TRAPPC9: variants seen among roughly 807,000 people sequenced by gnomAD.
The protein encoded by TRAPPC9 is IKK2 binding protein.
A neutral mutation model predicts 124.0 loss-of-function variants in TRAPPC9; 83 were observed. The ratio of observed to expected loss-of-function variants is 0.67; its 90% CI spans 0.56 to 0.80. The LOEUF (loss-of-function observed/expected upper bound fraction) is 0.80. Among genes scored for constraint, TRAPPC9 ranks in the 30% least tolerant of loss-of-function variants. The pLI is 0.00. For missense variants in TRAPPC9, 1,302 were observed against 1,508.3 expected, an observed-to-expected ratio of 0.86 and a Z score of 2.27; for synonymous variants, 638 against 617.5, an observed-to-expected ratio of 1.03 and a Z score of -0.49.
At chr8:140,456,411 CAAA>C (rs11325292) in intron 1 of TRAPPC9, among the ~76,000 whole-genome samples, 15 of 118,220 alleles carry the variant, frequency 1.3e-4, no homozygotes, top group Admixed American at 1.8e-4. Context: ...GACTCCGTCT[CAAA>C]AAAAAAAAAA....
In TRAPPC9 at chr8:140,117,485, G is replaced by A. The variant is rs151188253; in HGVS notation, c.2557-93406C>T. ...TACTACATCCTCTGGAGAAGGACAC[G>A]CTGGTTCCTCACATGACAGTAAGAC... On this transcript the variant is annotated intron_variant, in intron 17 of 22. Transcript: ENST00000438773. Among the ~76,000 whole-genome samples, 64 of 152,228 alleles carry A rather than the reference G, an allele frequency of 4.2e-4. No individual in the cohort carries two copies. In the East Asian group the frequency reaches 8.5e-3, roughly 20 times the overall value.
intron 17 of TRAPPC9, among the ~76,000 whole-genome samples, chr8:140,102,792 A>T (rs1252926735): frequency 6.6e-6 from 1 of 152,182 alleles, no homozygotes; most frequent in African/African-American, 2.4e-5. Context: ...CCTCTTGCAC[A>T]TGATGCTATC....
intron 11 of TRAPPC9, 53 bp downstream of exon 11, chr8:140,300,416 C>A: frequency 1.2e-6 from 2 of 1,612,766 alleles, no homozygotes; most frequent in Non-Finnish European, 8.5e-7. Flanking sequence ...CTAGAAAAGC[C>A]ATTGGAAATC....
At chr8:139,783,934 C>T (rs1401905331) in intron 21 of TRAPPC9, among the ~76,000 whole-genome samples, 2 of 152,116 alleles carry the variant, frequency 1.3e-5, no homozygotes, top group African/African-American at 2.4e-5. Context: ...TGTGACACTA[C>T]ACAACATTCA....
chr8:139,906,040 G>A (rs1331048111), intron 20 of TRAPPC9, among the ~76,000 whole-genome samples: 1 of 152,026 alleles, frequency 6.6e-6, no homozygotes, highest in Non-Finnish European at 1.5e-5. Flanking sequence ...ATTGCAGTGA[G>A]CCAAGATTGT....
intron 17 of TRAPPC9, among the ~76,000 whole-genome samples, chr8:140,152,611 A>T (rs1031264337): frequency 6.6e-6 from 1 of 150,682 alleles, no homozygotes; most frequent in East Asian, 1.9e-4. Context: ...CTCGTGATCC[A>T]CCCGCCTCGG....
intron 21 of TRAPPC9, among the ~76,000 whole-genome samples, chr8:139,880,628 G>A (rs527657543): frequency 1.3e-5 from 2 of 152,236 alleles, no homozygotes; most frequent in Admixed American, 6.5e-5. Context: ...CGAGAGTCAC[G>A]TGCCCATGTG....
intron 9 of TRAPPC9, among the ~76,000 whole-genome samples, chr8:140,324,240 C>A (rs535942696): frequency 5.0e-4 from 76 of 152,198 alleles, no homozygotes; most frequent in Non-Finnish European, 9.1e-4. Context: ...AAGTAATAAG[C>A]ATAATAAACC....
intron 9 of TRAPPC9, among the ~76,000 whole-genome samples, chr8:140,312,708 AC>A (rs2066330713): frequency 6.6e-6 from 1 of 151,734 alleles, no homozygotes; most frequent in African/African-American, 2.4e-5. Context: ...TAATTGTTAA[AC>A]TGCTACCATA....
intron 6 of TRAPPC9, among the ~76,000 whole-genome samples, chr8:140,403,166 C>T (rs1411240596): frequency 1.3e-5 from 2 of 152,148 alleles, no homozygotes; most frequent in Non-Finnish European, 2.9e-5. Flanking sequence ...CAGTGGCCAA[C>T]GCCTGTAATC....
intron 21 of TRAPPC9, among the ~76,000 whole-genome samples, chr8:139,794,769 T>C (rs1586856966): frequency 6.6e-6 from 1 of 152,020 alleles, no homozygotes; most frequent in African/African-American, 2.4e-5. Flanking sequence ...CGAGGACGAG[T>C]GCTCAGTAAA....
chr8:139,925,135 G>A (rs1832730398), intron 19 of TRAPPC9, among the ~76,000 whole-genome samples: 1 of 152,228 alleles, frequency 6.6e-6, no homozygotes, highest in African/African-American at 2.4e-5. Flanking sequence ...GCAGAATGTG[G>A]AGGAGTCGAC....
At chr8:140,164,160 C>T (rs947962530) in intron 17 of TRAPPC9, among the ~76,000 whole-genome samples, 2 of 152,156 alleles carry the variant, frequency 1.3e-5, no homozygotes, top group African/African-American at 2.4e-5. Flanking sequence ...CGGAGATGCA[C>T]GAGAGCCACA....
intron 7 of TRAPPC9, among the ~76,000 whole-genome samples, chr8:140,395,936 C>A (rs1194458676): frequency 3.3e-5 from 5 of 152,106 alleles, no homozygotes; most frequent in Non-Finnish European, 5.9e-5. Context: ...CGACCCACAG[C>A]CGGCCGCTGA....
chr8:140,124,879 A>C (rs913521714), intron 17 of TRAPPC9, among the ~76,000 whole-genome samples: 2 of 152,220 alleles, frequency 1.3e-5, no homozygotes, highest in East Asian at 3.9e-4. Flanking sequence ...GGAAATATTA[A>C]TACGTAGTTT....
intron 21 of TRAPPC9, among the ~76,000 whole-genome samples, chr8:139,778,635 A>G (rs956253242): frequency 2.0e-5 from 3 of 152,242 alleles, no homozygotes; most frequent in Admixed American, 6.5e-5. Context: ...CATCTCAGAT[A>G]AAAACAAAAA....
chr8:139,864,355 T>C (rs1434862358), intron 21 of TRAPPC9, among the ~76,000 whole-genome samples: 1 of 152,226 alleles, frequency 6.6e-6, no homozygotes, highest in Non-Finnish European at 1.5e-5. Flanking sequence ...TCCTGCAAGA[T>C]GAAGGCGCCA....
In TRAPPC9 at chr8:140,105,565, C is replaced by G. The variant is rs1431335622; in HGVS notation, c.2557-81486G>C. ...TCCTGACGTGCCCTATCTTTTCACG[C>G]TTCCCTCCCTTTGAGCACCCTGTGG... On this transcript the variant is annotated intron_variant, in intron 17 of 22. Transcript: ENST00000438773. Among the ~76,000 whole-genome samples, 10 of 152,322 alleles carry G rather than the reference C, an allele frequency of 6.6e-5. No individual in the cohort carries two copies. In the South Asian group the frequency reaches 2.1e-3, roughly 32 times the overall value.
In TRAPPC9 at chr8:140,257,351, C is replaced by T. The variant is rs1235294173; in HGVS notation, c.2279-4422G>A. Among the ~76,000 whole-genome samples, 1 of 152,242 alleles carries T rather than the reference C, an allele frequency of 6.6e-6. No homozygotes were observed. The highest frequency in any genetic ancestry group is 6.5e-5 in the Admixed American group (1 of 15,288). On this transcript the variant is annotated intron_variant, in intron 15 of 22. Coordinates refer to ENST00000438773, the MANE Select transcript of TRAPPC9 (RefSeq NM_001160372.4). The surrounding 1 kb of genome is among the most constrained non-coding windows in gnomAD (Gnocchi z 4.6). The stretch of plus-strand genomic sequence containing the variant: ...TCTTCTCCACGCAGCAGTGCTGGCA[C>T]TGGCCTGGGCCTCTTCTGCGCTGAG...
Sources: allele counts gnomAD v4.1 joint callset (sites outside exome capture counted in the v4.1 genomes callset), GRCh38; gene constraint gnomAD v4.1.1; non-coding constraint Gnocchi (gnomAD v3.1); transcripts MANE v1.5; gene names NCBI Gene and HGNC (gene_info 2026-07-23, HGNC 2026-07-21).